The following LRRIQ4 variants were observed in gnomAD, a reference collection of about 807,000 sequenced individuals.
LRRIQ4 encodes the protein leucine-rich repeat and IQ domain-containing protein 4.
LRRIQ4 carries 21 observed loss-of-function variants against 40.1 expected under a neutral mutation model. That is an observed-to-expected ratio of 0.52 (90% confidence interval 0.37 to 0.75). The LOEUF (loss-of-function observed/expected upper bound fraction) is 0.75. Ranked by LOEUF, LRRIQ4 falls within the 30% of genes least tolerant of loss-of-function variation. The pLI, the probability that LRRIQ4 is intolerant of heterozygous loss-of-function variation, is 0.00. For missense variants in LRRIQ4, 655 were observed against 660.0 expected (o/e 0.99, Z 0.08); for synonymous variants, 277 against 277.1 (o/e 1.00, Z 0.00).
intron 5 of LRRIQ4, among the ~76,000 whole-genome samples, chr3:169,836,011 CA>C (rs139671997): frequency 0.066 from 9,987 of 152,204 alleles, 367 homozygotes; most frequent in Admixed American, 0.093. Context: ...ATTCATTCAA[CA>C]AACATTTATT....
chr3:169,828,431 G>C (rs902551068), intron 2 of LRRIQ4, among the ~76,000 whole-genome samples: 18 of 152,072 alleles, frequency 1.2e-4, no homozygotes, highest in African/African-American at 2.7e-4. Context: ...ACAAGGTTTC[G>C]CCATGTTGGC....
At chr3:169,820,515 A>G (rs1415214539) in intron 1 of LRRIQ4, among the ~76,000 whole-genome samples, 1 of 151,014 alleles carries the variant, frequency 6.6e-6, no homozygotes, top group East Asian at 2.0e-4. Flanking sequence ...CTATAGATCC[A>G]ATTAGGGGAA....
intron 4 of LRRIQ4, 96 bp from the exon 5 acceptor site, chr3:169,832,891 C>A: frequency 6.5e-6 from 7 of 1,078,552 alleles, no homozygotes; most frequent in African/African-American, 1.6e-5. Context: ...TTTGCAAATG[C>A]AGAATTGGAT....
Position 169,826,249 on chromosome 3 carries a change from G to A in LRRIQ4, c.1021-2510G>A, listed in dbSNP as rs567925660. ...TCTACTAAAAATACAAAAATTAGCC[G>A]GGCATGGTAGTGGGCACCTGTAATC... is the stretch of plus-strand genomic sequence containing the variant. On this transcript the variant is annotated intron_variant, in intron 2 of 5. Transcript: ENST00000340806. Among the ~76,000 whole-genome samples the A allele has an allele frequency of 4.6e-5, 7 of 151,996 alleles. 1 individual carries two copies. The South Asian group carries it at 6.2e-4, about 14-fold the overall frequency.
chr3:169,813,181 G>C (rs1779670280), intron 1 of LRRIQ4, among the ~76,000 whole-genome samples, 135 bp downstream of exon 1: 1 of 152,246 alleles, frequency 6.6e-6, no homozygotes, highest in South Asian at 2.1e-4. Context: ...CTGAAACAAT[G>C]AGAATTGCCA....
rs79535537 is a variant in LRRIQ4 at position 169,828,752 on chromosome 3, C to T, written c.1021-7C>T. 4,643 of 1,608,462 alleles carry T rather than the reference C, an allele frequency of 2.9e-3. 132 individuals are homozygous for T. In the African/African-American group the frequency reaches 0.055, roughly 19 times the overall value. On this transcript the variant is annotated splice_polypyrimidine_tract_variant and splice_region_variant and intron_variant, in intron 2 of 5. Transcript: ENST00000340806. ...ACCTGAAACTTATCTTTTTGGAATACTTCTAGTTACCTTCAGAATTGGGCT... is the reference window on the plus strand; with the variant it reads ...ACCTGAAACTTATCTTTTTGGAATATTTCTAGTTACCTTCAGAATTGGGCT...
At chr3:169,830,244 CTG>C (rs72049360) in intron 3 of LRRIQ4, among the ~76,000 whole-genome samples, 12,272 of 151,660 alleles carry the variant, frequency 0.081, 757 homozygotes, top group African/African-American at 0.19. Context: ...CACTAGATGT[CTG>C]TAGTCTCTTT....
chr3:169,815,167 TGAA>T (rs1230177008), intron 1 of LRRIQ4, among the ~76,000 whole-genome samples: 1 of 152,222 alleles, frequency 6.6e-6, no homozygotes, highest in Non-Finnish European at 1.5e-5. Flanking sequence ...TCTATTTCTG[TGAA>T]GAAGGTCTTT....
At chr3:169,826,406 GAAAAAGA>G (rs1356315409) in intron 2 of LRRIQ4, among the ~76,000 whole-genome samples, 1 of 149,328 alleles carries the variant, frequency 6.7e-6, no homozygotes, top group Non-Finnish European at 1.5e-5. Flanking sequence ...AAAAAAAAAA[GAAAAAGA>G]AAAAGGAAAA....
chr3:169,823,030 A>G, intron 2 of LRRIQ4, 89 bp downstream of exon 2: 1 of 1,150,706 alleles, frequency 8.7e-7, no homozygotes, highest in Non-Finnish European at 1.2e-6. Context: ...GCAAATTTGA[A>G]CTGACTTTAT....
At chr3:169,815,875 T>C (rs1189362148) in intron 1 of LRRIQ4, among the ~76,000 whole-genome samples, 1 of 152,266 alleles carries the variant, frequency 6.6e-6, no homozygotes, top group Non-Finnish European at 1.5e-5. Flanking sequence ...CACATGCTTT[T>C]TCAGCATCAA....
intron 2 of LRRIQ4, among the ~76,000 whole-genome samples, chr3:169,827,865 T>C: frequency 6.6e-6 from 1 of 152,184 alleles, no homozygotes; most frequent in Non-Finnish European, 1.5e-5. Context: ...TCTTAAGGCG[T>C]TCCAGCCCTG....
At chr3:169,818,006 T>C (rs913949743) in intron 1 of LRRIQ4, among the ~76,000 whole-genome samples, 6 of 152,206 alleles carry the variant, frequency 3.9e-5, no homozygotes, top group Admixed American at 3.9e-4. Flanking sequence ...GAGCACTTTA[T>C]CCCACAGTGG....
intron 2 of LRRIQ4, among the ~76,000 whole-genome samples, chr3:169,825,863 T>A (rs1780029635): frequency 6.6e-6 from 1 of 152,156 alleles, no homozygotes; most frequent in African/African-American, 2.4e-5. Context: ...TGTGCATTTG[T>A]CCTCCCTTCT....
intron 1 of LRRIQ4, among the ~76,000 whole-genome samples, chr3:169,820,470 A>AT (rs1310664255): frequency 1.3e-5 from 2 of 151,828 alleles, no homozygotes; most frequent in Non-Finnish European, 2.9e-5. Flanking sequence ...GAAAAAAAAA[A>AT]GTTTGCTAAA....
intron 1 of LRRIQ4, among the ~76,000 whole-genome samples, chr3:169,817,253 CTT>C (rs1182483394): frequency 6.6e-6 from 1 of 152,148 alleles, no homozygotes; most frequent in African/African-American, 2.4e-5. Flanking sequence ...CAAATTTCCT[CTT>C]GTTATTGCTT....
chr3:169,818,688 A>G (rs1186368386), intron 1 of LRRIQ4, among the ~76,000 whole-genome samples: 2 of 152,166 alleles, frequency 1.3e-5, no homozygotes. Flanking sequence ...TTGGAGTGGC[A>G]TATTCTGCCA....
In LRRIQ4 at chr3:169,822,285, G is replaced by A. The variant is rs767280598; in HGVS notation, c.364G>A (p.Glu122Lys). 15 of 1,613,248 alleles carry A rather than the reference G, an allele frequency of 9.3e-6. No individual in the cohort carries two copies. Among genetic ancestry groups the A allele is most frequent in the South Asian group, 5.5e-5 (5 of 90,984 alleles). The change falls in exon 2 of 6, where the codon GAG (glutamate) becomes AAG (lysine). Residue 122 changes from glutamate (E) to lysine (K), a missense_variant. Transcript: ENST00000340806. ...TGTCAGCTTCCTCCACGCCCTGCGC[G>A]AGCTCCGGCTCTACCAGACCGACCT... ...VVVSFLHALRELRLYQTDLKE... is the reference protein window; with the variant it reads ...VVVSFLHALRKLRLYQTDLKE...
chr3:169,828,033 A>G (rs1780080274), intron 2 of LRRIQ4, among the ~76,000 whole-genome samples: 1 of 152,208 alleles, frequency 6.6e-6, no homozygotes, highest in Non-Finnish European at 1.5e-5. Context: ...TCCAACTGAG[A>G]TTTCAACTGA....
Sources: allele counts gnomAD v4.1 joint callset (sites outside exome capture counted in the v4.1 genomes callset), GRCh38; gene constraint gnomAD v4.1.1; transcripts MANE v1.5; gene names NCBI Gene and HGNC (gene_info 2026-07-23, HGNC 2026-07-21).